SPATA7: variants seen among roughly 807,000 people sequenced by gnomAD.
The protein encoded by SPATA7 is spermatogenesis-associated protein 7.
Under a neutral mutation model 51.8 loss-of-function variants are expected in SPATA7, and 43 were observed. The ratio of observed to expected loss-of-function variants is 0.83; its 90% CI spans 0.65 to 1.07. The LOEUF is 1.07. Among genes scored for constraint, SPATA7 ranks in the 50% least tolerant of loss-of-function variants. SPATA7 has a pLI of 0.00. For synonymous variants in SPATA7, 230 were observed against 252.8 expected, an observed-to-expected ratio of 0.91 and a Z score of 0.86; for missense variants, 683 against 701.3, an observed-to-expected ratio of 0.97 and a Z score of 0.30.
At chr14:88,449,538 A>AAT (rs757888240) in intron 3 of SPATA7, among the ~76,000 whole-genome samples, 93 of 152,276 alleles carry the variant, frequency 6.1e-4, no homozygotes, top group Non-Finnish European at 1.0e-3. Context: ...CTGATTAATG[A>AAT]ATATATACTC....
chr14:88,417,502 C>T (rs1217861502), intron 5 of SPATA7, among the ~76,000 whole-genome samples: 1 of 151,872 alleles, frequency 6.6e-6, no homozygotes, highest in East Asian at 1.9e-4. Flanking sequence ...GATGGGGTCT[C>T]GCCATGTTGG....
chr14:88,449,651 C>T (rs552347210), intron 3 of SPATA7, among the ~76,000 whole-genome samples: 1 of 152,174 alleles, frequency 6.6e-6, no homozygotes, highest in East Asian at 1.9e-4. Flanking sequence ...GTCTTGATGA[C>T]CTGTCTACTG....
Position 88,438,209 on chromosome 14 carries a change from CAGT to C in SPATA7, c.1588_1590del (p.Ser530del). ...ATGAAAATCATCCAAGTATTTCAGA[CAGT>C]TTAACAGATCGGGAAACTTCTGTGA... On this transcript the variant is annotated inframe_deletion, in exon 12 of 12. Transcript: ENST00000393545. 6.2e-7 allele frequency: 1 copy of C among 1,613,942 alleles called. No homozygotes were observed. Among genetic ancestry groups the C allele is most frequent in the Non-Finnish European group, 8.5e-7 (1 of 1,179,972 alleles).
At chr14:88,470,069 A>T (rs760248107) in exon 5 of SPATA7, 7 of 1,607,554 alleles carry the variant, frequency 4.4e-6, no homozygotes, top group South Asian at 3.3e-5. Context: ...AGAAAAGGTT[A>T]AAAAAATTGA....
intron 3 of SPATA7, among the ~76,000 whole-genome samples, chr14:88,445,759 T>C (rs925796126): frequency 1.3e-5 from 2 of 152,236 alleles, no homozygotes; most frequent in Non-Finnish European, 2.9e-5. Flanking sequence ...GTTTTTTGTC[T>C]TTGGTTCTGT....
chr14:88,422,576 A>G (rs2076676118), intron 5 of SPATA7, among the ~76,000 whole-genome samples: 2 of 146,768 alleles, frequency 1.4e-5, no homozygotes, highest in African/African-American at 5.1e-5. Context: ...TGTATTTTAT[A>G]TATCTATTTA....
chr14:88,394,410 G>T (rs964311144), intron 3 of SPATA7, among the ~76,000 whole-genome samples: 4 of 152,164 alleles, frequency 2.6e-5, no homozygotes, highest in Admixed American at 2.6e-4. Flanking sequence ...ATGGAATCAT[G>T]TATCGTTTTG....
At chr14:88,418,765 T>A in intron 5 of SPATA7, among the ~76,000 whole-genome samples, 1 of 152,182 alleles carries the variant, frequency 6.6e-6, no homozygotes, top group East Asian at 1.9e-4. Flanking sequence ...TGAGCCACCA[T>A]GCCCGGCCTA....
chr14:88,407,445 C>T (rs1291100633), intron 4 of SPATA7, among the ~76,000 whole-genome samples: 1 of 152,164 alleles, frequency 6.6e-6, no homozygotes, highest in African/African-American at 2.4e-5. Context: ...ATCCTTCGCC[C>T]ACTTTTTGAT....
chr14:88,436,128 C>T (rs889623398), intron 10 of SPATA7, among the ~76,000 whole-genome samples: 1 of 152,122 alleles, frequency 6.6e-6, no homozygotes, highest in African/African-American at 2.4e-5. Context: ...GATGATACCT[C>T]ATTGTAGTTT....
At chr14:88,459,757 A>G (rs2077305343), downstream of SPATA7, among the ~76,000 whole-genome samples, 3 of 152,178 alleles carry the variant, frequency 2.0e-5, no homozygotes, top group African/African-American at 4.8e-5. Flanking sequence ...TCCTGTCATT[A>G]TGATGTTAGC....
chr14:88,406,098 G>T (rs929157579), intron 4 of SPATA7, among the ~76,000 whole-genome samples: 2 of 151,980 alleles, frequency 1.3e-5, no homozygotes, highest in African/African-American at 4.8e-5. Flanking sequence ...TTAGAAACAG[G>T]CTTTCTAGAC....
exon 4 of SPATA7, chr14:88,455,098 A>G (rs2077275846): frequency 4.4e-6 from 2 of 455,778 alleles, no homozygotes; most frequent in Middle Eastern, 3.2e-4. Context: ...AAACAACCCC[A>G]CTGGAAGATG....
chr14:88,442,427 C>T (rs547663865), downstream of SPATA7, among the ~76,000 whole-genome samples: 1 of 152,210 alleles, frequency 6.6e-6, no homozygotes, highest in East Asian at 1.9e-4. Flanking sequence ...CCATGTTGGC[C>T]AGGCTGTCTC....
intron 9 of SPATA7, among the ~76,000 whole-genome samples, chr14:88,432,295 C>A (rs2076963555): frequency 6.6e-6 from 1 of 151,656 alleles, no homozygotes; most frequent in South Asian, 2.1e-4. Context: ...TAAGCAAGAC[C>A]CTGTGAATCA....
At chr14:88,414,813 A>G in intron 4 of SPATA7, 2 of 216,598 alleles carry the variant, frequency 9.2e-6, no homozygotes, top group South Asian at 5.5e-5. Flanking sequence ...TTTACCCAAA[A>G]GTCATTCAGG....
intron 10 of SPATA7, among the ~76,000 whole-genome samples, chr14:88,434,649 G>A (rs2747082): frequency 0.93 from 138,914 of 149,152 alleles, 64,928 homozygotes; most frequent in East Asian, 1. Context: ...TCGCGCCACC[G>A]CACTCCATCT....
intron 4 of SPATA7, among the ~76,000 whole-genome samples, chr14:88,411,296 G>A (rs1248512235): frequency 6.6e-6 from 1 of 152,188 alleles, no homozygotes; most frequent in African/African-American, 2.4e-5. Context: ...GTGGATCTTA[G>A]CTAGCTGGGT....
downstream of SPATA7, among the ~76,000 whole-genome samples, chr14:88,455,951 C>T (rs2077281596): frequency 6.7e-6 from 1 of 148,956 alleles, no homozygotes; most frequent in Non-Finnish European, 1.5e-5. Context: ...GTTCAGTTCC[C>T]ACCTATGAGT....
Sources: allele counts gnomAD v4.1 joint callset (sites outside exome capture counted in the v4.1 genomes callset), GRCh38; gene constraint gnomAD v4.1.1; transcripts MANE v1.5; gene names NCBI Gene and HGNC (gene_info 2026-07-23, HGNC 2026-07-21).